Variants in CAMTA1 observed in about 807,000 individuals in gnomAD.
CAMTA1 encodes the protein calmodulin binding transcription activator 1.
In CAMTA1, 27 loss-of-function variants were observed where a neutral mutation model predicts 170.9. That is an observed-to-expected ratio of 0.16 (90% CI 0.12 to 0.22). The LOEUF (loss-of-function observed/expected upper bound fraction) is 0.22. CAMTA1 is among the 10% of genes least tolerant of loss of function. CAMTA1 has a pLI of 1.00. For synonymous variants in CAMTA1, 833 were observed against 891.5 expected (o/e 0.93, Z 1.17); for missense variants, 1,619 against 2,217.2 (o/e 0.73, Z 5.42).
At chr1:7,447,296 A>G (rs2092703845) in intron 5 of CAMTA1, among the ~76,000 whole-genome samples, 1 of 151,838 alleles carries the variant, frequency 6.6e-6, no homozygotes, top group African/African-American at 2.4e-5. Flanking sequence ...CAAGAAGGGC[A>G]CTTGGTAAAC....
chr1:7,340,637 T>C lies in CAMTA1; in HGVS notation c.438+91011T>C, dbSNP rs1359695272. 2.0e-5 allele frequency among the ~76,000 whole-genome samples: 3 copies of C among 146,896 alleles called. No individual in the cohort carries two copies. The South Asian group carries it at 6.8e-4, about 33-fold the overall frequency. On this transcript the variant is annotated intron_variant, in intron 5 of 22. Coordinates refer to ENST00000303635, the MANE Select transcript of CAMTA1 (RefSeq NM_015215.4). ...CTATCCATTTATGCATTAATTTATC[T>C]CTCTGAAGATAGATGAATCCATCTA...
intron 4 of CAMTA1, among the ~76,000 whole-genome samples, chr1:7,155,529 TC>T (rs1310387597): frequency 6.6e-6 from 1 of 151,188 alleles, no homozygotes; most frequent in African/African-American, 2.4e-5. Context: ...TTTTTTTTTT[TC>T]CAAGAGATCC....
intron 6 of CAMTA1, among the ~76,000 whole-genome samples, chr1:7,595,112 A>G (rs1213582648): frequency 6.6e-6 from 1 of 152,164 alleles, no homozygotes; most frequent in Non-Finnish European, 1.5e-5. Flanking sequence ...AACTAAGAAG[A>G]GGGGTCTTTC....
intron 11 of CAMTA1, among the ~76,000 whole-genome samples, chr1:7,728,401 G>A (rs1234725140): frequency 6.6e-6 from 1 of 152,262 alleles, no homozygotes; most frequent in Non-Finnish European, 1.5e-5. Flanking sequence ...AGCTCAGAGA[G>A]CACCTTTGGT....
At chr1:6,895,658 A>G (rs1675480068) in intron 3 of CAMTA1, among the ~76,000 whole-genome samples, 1 of 152,164 alleles carries the variant, frequency 6.6e-6, no homozygotes, top group South Asian at 2.1e-4. Context: ...GAATCCATCA[A>G]ACATGATTCT....
intron 5 of CAMTA1, 58 bp from the exon 6 acceptor site, chr1:7,467,772 T>C: frequency 1.5e-6 from 2 of 1,328,826 alleles, no homozygotes; most frequent in East Asian, 2.4e-5. Flanking sequence ...TGCGCCGTCT[T>C]CCTTCCTTCC....
chr1:6,807,772 A>G (rs1644695832), intron 1 of CAMTA1, among the ~76,000 whole-genome samples: 2 of 151,978 alleles, frequency 1.3e-5, no homozygotes, highest in South Asian at 4.2e-4. Context: ...TTAGCTATTT[A>G]GAACTGCTTT....
At chr1:7,560,266 C>T (rs75082129) in intron 6 of CAMTA1, among the ~76,000 whole-genome samples, 2,571 of 152,350 alleles carry the variant, frequency 0.017, 80 homozygotes, top group African/African-American at 0.058. Flanking sequence ...CTCCTTTCTG[C>T]AGGCCCCACT....
chr1:7,260,248 T>G (rs1033736592), intron 5 of CAMTA1, among the ~76,000 whole-genome samples: 5 of 152,202 alleles, frequency 3.3e-5, no homozygotes, highest in Non-Finnish European at 7.3e-5. Context: ...AGGAGTGGGG[T>G]GCTCTGTGTA....
At chr1:7,208,377 G>A (rs140488766) in intron 4 of CAMTA1, among the ~76,000 whole-genome samples, 1 of 152,342 alleles carries the variant, frequency 6.6e-6, no homozygotes, top group East Asian at 1.9e-4. Context: ...CACACACAAA[G>A]AGCCTCTTTC....
At chr1:7,659,868 G>T (rs777832463) in intron 7 of CAMTA1, among the ~76,000 whole-genome samples, 3 of 152,196 alleles carry the variant, frequency 2.0e-5, no homozygotes, top group Non-Finnish European at 4.4e-5. Flanking sequence ...CTCCTGGCCA[G>T]TTCTCCAGGC....
At chr1:6,850,336 A>T (rs141959002) in intron 3 of CAMTA1, among the ~76,000 whole-genome samples, 82 of 152,362 alleles carry the variant, frequency 5.4e-4, no homozygotes, top group Admixed American at 3.1e-3. Flanking sequence ...CAGAGGTTTA[A>T]TATCCTTCAT....
At chr1:7,757,729 C>G (rs753805608) in intron 22 of CAMTA1, among the ~76,000 whole-genome samples, 1 of 151,886 alleles carries the variant, frequency 6.6e-6, no homozygotes, top group Non-Finnish European at 1.5e-5. Flanking sequence ...GAGCAAGACT[C>G]TGTCTCAAAA....
At chr1:7,295,075 T>A (rs1673727024) in intron 5 of CAMTA1, among the ~76,000 whole-genome samples, 1 of 152,244 alleles carries the variant, frequency 6.6e-6, no homozygotes, top group Non-Finnish European at 1.5e-5. Flanking sequence ...GAAGTCAGAC[T>A]TCAGGTGTTC....
intron 7 of CAMTA1, among the ~76,000 whole-genome samples, chr1:7,652,937 C>T (rs2095857294): frequency 6.6e-6 from 1 of 152,190 alleles, no homozygotes; most frequent in African/African-American, 2.4e-5. Flanking sequence ...CTCTGAGTCT[C>T]GGTTTTGGCA....
At chr1:7,210,478 C>T (rs1304712) in intron 4 of CAMTA1, among the ~76,000 whole-genome samples, 98,961 of 152,050 alleles carry the variant, frequency 0.65, 33,125 homozygotes, top group African/African-American at 0.81. Flanking sequence ...TTGACTTTGA[C>T]CATTGGTTAG....
intron 3 of CAMTA1, among the ~76,000 whole-genome samples, chr1:6,962,701 G>T (rs1690689243): frequency 8.9e-6 from 1 of 112,052 alleles, no homozygotes; most frequent in Non-Finnish European, 1.8e-5. Flanking sequence ...CCCACTCCCT[G>T]CCTTTTATCC....
chr1:7,476,162 T>C (rs74053020), intron 6 of CAMTA1, among the ~76,000 whole-genome samples: 2,377 of 152,324 alleles, frequency 0.016, 68 homozygotes, highest in African/African-American at 0.053. Context: ...TCCAGAGCAC[T>C]TGGACCTCGG....
At chr1:7,232,230 C>T (rs1370996748) in intron 4 of CAMTA1, among the ~76,000 whole-genome samples, 1 of 99,906 alleles carries the variant, frequency 1.0e-5, no homozygotes, top group African/African-American at 4.1e-5. Flanking sequence ...CCTGGAATCC[C>T]AGTCTCAGTG....
Sources: allele counts gnomAD v4.1 joint callset (sites outside exome capture counted in the v4.1 genomes callset), GRCh38; gene constraint gnomAD v4.1.1; transcripts MANE v1.5; gene names NCBI Gene and HGNC (gene_info 2026-07-23, HGNC 2026-07-21).